Variants in NRXN3 observed in about 807,000 individuals in gnomAD.
The protein encoded by NRXN3 is neurexin III.
NRXN3 carries 32 observed loss-of-function variants against 137.6 expected under a neutral mutation model. The ratio of observed to expected loss-of-function variants is 0.23; its 90% CI spans 0.18 to 0.31. The LOEUF (loss-of-function observed/expected upper bound fraction) is 0.31. NRXN3 is among the 10% of genes least tolerant of loss of function. The pLI, the probability that NRXN3 is intolerant of heterozygous loss-of-function variation, is 1.00. For synonymous variants in NRXN3, 798 were observed against 784.5 expected (o/e 1.02, Z -0.29); for missense variants, 1,574 against 2,062.5 (o/e 0.76, Z 4.59).
chr14:78,669,306 A>G (rs2097914685), intron 6 of NRXN3, among the ~76,000 whole-genome samples: 1 of 152,180 alleles, frequency 6.6e-6, no homozygotes, highest in South Asian at 2.1e-4. Flanking sequence ...GTTCCCGGAA[A>G]GGGATCCTGA....
chr14:78,500,917 C>T (rs890866746), intron 4 of NRXN3, among the ~76,000 whole-genome samples: 1 of 152,094 alleles, frequency 6.6e-6, no homozygotes, highest in African/African-American at 2.4e-5. Flanking sequence ...CGTTATTCTC[C>T]AAATCTTTAT....
At chr14:78,491,185 C>T (rs2095659604) in intron 4 of NRXN3, among the ~76,000 whole-genome samples, 2 of 152,168 alleles carry the variant, frequency 1.3e-5, no homozygotes, top group East Asian at 3.9e-4. Context: ...GGTCCACAGG[C>T]CCCAGCTGCC....
chr14:78,963,327 TC>T (rs1302832167), intron 11 of NRXN3, among the ~76,000 whole-genome samples: 2 of 152,188 alleles, frequency 1.3e-5, no homozygotes, highest in Non-Finnish European at 2.9e-5. Context: ...CACCAGAGAT[TC>T]CCCATTCTGA....
intron 4 of NRXN3, among the ~76,000 whole-genome samples, chr14:78,479,132 A>G (rs1303663696): frequency 6.6e-6 from 1 of 152,232 alleles, no homozygotes; most frequent in Non-Finnish European, 1.5e-5. Flanking sequence ...TCAGTTTTCC[A>G]TCTTGGCTAC....
intron 4 of NRXN3, among the ~76,000 whole-genome samples, chr14:78,410,798 G>T (rs1360676078): frequency 6.6e-6 from 1 of 152,216 alleles, no homozygotes. Context: ...CCGCAGGAGG[G>T]ATATTATTAT....
At chr14:78,821,223 C>T (rs543608154) in intron 10 of NRXN3, among the ~76,000 whole-genome samples, 2 of 152,022 alleles carry the variant, frequency 1.3e-5, no homozygotes, top group Non-Finnish European at 2.9e-5. Flanking sequence ...TTTCTGAAAT[C>T]CAGGAGATGA....
At chr14:79,282,131 C>T (rs2081370796) in intron 15 of NRXN3, among the ~76,000 whole-genome samples, 1 of 150,714 alleles carries the variant, frequency 6.6e-6, no homozygotes, top group South Asian at 2.1e-4. Flanking sequence ...AGCAAACAAA[C>T]CTAGGAGAAA....
chr14:79,181,654 C>T (rs535828217), intron 15 of NRXN3, among the ~76,000 whole-genome samples: 2 of 146,598 alleles, frequency 1.4e-5, no homozygotes, highest in African/African-American at 5.1e-5. Flanking sequence ...GCATTCCAGT[C>T]CTGGGCAACA....
intron 16 of NRXN3, among the ~76,000 whole-genome samples, chr14:79,587,709 A>C (rs1022708481): frequency 6.6e-6 from 1 of 152,234 alleles, no homozygotes; most frequent in East Asian, 1.9e-4. Context: ...TCACAAATAC[A>C]TATGATCAAT....
intron 19 of NRXN3, among the ~76,000 whole-genome samples, chr14:79,719,165 C>T (rs1302274869): frequency 5.3e-5 from 8 of 151,966 alleles, no homozygotes; most frequent in Admixed American, 2.0e-4. Flanking sequence ...TCTCTTCACT[C>T]GGGTCTCTTC....
At chr14:78,388,001 C>G (rs2090222162) in intron 4 of NRXN3, among the ~76,000 whole-genome samples, 1 of 152,168 alleles carries the variant, frequency 6.6e-6, no homozygotes, top group South Asian at 2.1e-4. Context: ...GTAATTTACT[C>G]TTAAAGCAGA....
intron 16 of NRXN3, among the ~76,000 whole-genome samples, chr14:79,652,561 T>A (rs2098482137): frequency 6.6e-6 from 1 of 152,156 alleles, no homozygotes; most frequent in Non-Finnish European, 1.5e-5. Flanking sequence ...TGAATTCAAG[T>A]AAATTAAAAT....
Position 79,810,197 on chromosome 14 carries a change from C to T in NRXN3, c.4093+5007C>T, listed in dbSNP as rs1044200093. Among the ~76,000 whole-genome samples, 24 of 149,580 alleles carry T rather than the reference C, an allele frequency of 1.6e-4. 1 individual carries two copies. Among genetic ancestry groups the T allele is most frequent in the Admixed American group, 5.9e-4 (9 of 15,130 alleles). On this transcript the variant is annotated intron_variant, in intron 20 of 20. Coordinates refer to ENST00000335750, the MANE Select transcript of NRXN3 (RefSeq NM_001330195.2). ...GGGGGCAGGAGGCCACAGAGCAGAG[C>T]GAAAAAAAAAAGTAATACTTTTATA... is the stretch of plus-strand genomic sequence containing the variant.
chr14:79,746,451 T>C (rs1316858800), intron 19 of NRXN3, among the ~76,000 whole-genome samples: 2 of 152,122 alleles, frequency 1.3e-5, no homozygotes, highest in Non-Finnish European at 2.9e-5. Context: ...CCATAACAAG[T>C]CTTGGAAGCT....
At chr14:78,736,635 A>G (rs968128340) in intron 8 of NRXN3, among the ~76,000 whole-genome samples, 1 of 152,216 alleles carries the variant, frequency 6.6e-6, no homozygotes, top group Non-Finnish European at 1.5e-5. Context: ...TATTATTCCC[A>G]CAATCATTTA....
At chr14:78,759,045 G>C (rs1459010654) in intron 8 of NRXN3, among the ~76,000 whole-genome samples, 2 of 152,030 alleles carry the variant, frequency 1.3e-5, no homozygotes, top group African/African-American at 4.8e-5. Flanking sequence ...GCTGGATGTA[G>C]GAAAAAAAGA....
At chr14:78,420,946 A>G (rs1262857901) in intron 4 of NRXN3, among the ~76,000 whole-genome samples, 1 of 152,174 alleles carries the variant, frequency 6.6e-6, no homozygotes. Flanking sequence ...TGAGAGTTGG[A>G]GAGCATGATG....
chr14:78,685,447 T>C (rs1353848413), intron 6 of NRXN3, among the ~76,000 whole-genome samples: 1 of 152,062 alleles, frequency 6.6e-6, no homozygotes, highest in Non-Finnish European at 1.5e-5. Context: ...TCATCTCCAA[T>C]GTGCACCTCC....
At chr14:78,406,575 G>A (rs2092498967) in intron 4 of NRXN3, among the ~76,000 whole-genome samples, 1 of 152,210 alleles carries the variant, frequency 6.6e-6, no homozygotes, top group Admixed American at 6.5e-5. Flanking sequence ...ATGTCCCATA[G>A]CAGAGGATTT....
Sources: gnomAD v4.1 joint callset for allele counts (sites outside exome capture counted in the v4.1 genomes callset) on GRCh38, gnomAD v4.1.1 for gene constraint, MANE v1.5 for transcripts, NCBI Gene and HGNC (gene_info 2026-07-23, HGNC 2026-07-21) for gene names.